The following IQSEC3 variants were observed in gnomAD, a reference collection of about 807,000 sequenced individuals.
The protein encoded by IQSEC3 is IQ motif and SEC7 domain-containing protein 3.
IQSEC3 carries 50 observed loss-of-function variants against 105.4 expected under a neutral mutation model. The ratio of observed to expected loss-of-function variants is 0.47; its 90% CI spans 0.38 to 0.60. The LOEUF (loss-of-function observed/expected upper bound fraction) is 0.60, where lower values mean the gene tolerates loss of function less well. Among genes scored for constraint, IQSEC3 ranks in the 20% least tolerant of loss-of-function variants. IQSEC3 has a pLI of 0.00. For synonymous variants in IQSEC3, 708 were observed against 746.0 expected, an observed-to-expected ratio of 0.95 and a Z score of 0.83; for missense variants, 1,415 against 1,630.0, an observed-to-expected ratio of 0.87 and a Z score of 2.27.
At position 161,928 on chromosome 12, in the gene IQSEC3, G is replaced by A; in HGVS notation, c.2446G>A (p.Val816Met). The change falls in exon 8 of 14, where the codon GTG (valine) becomes ATG (methionine). Residue 816 changes from valine (V) to methionine (M), a missense_variant and splice_region_variant. Around this residue, in one of 6 missense-constraint regions of IQSEC3, gnomAD observed 213 missense variants for 306.2 expected, o/e 0.70. Coordinates refer to ENST00000538872, the MANE Select transcript of IQSEC3 (RefSeq NM_001170738.2). The part of the protein sequence containing the change: ...LEDFIRNLRG[V>M]DDGADIPREL... ...CCCTGCCCACTCCACGTTGTTAGGT[G>A]TGGACGATGGCGCTGACATCCCCAG... 2.5e-6 allele frequency: 4 copies of A among 1,604,510 alleles called. No homozygotes were observed. The highest frequency in any genetic ancestry group is 1.3e-5 in the African/African-American group (1 of 74,774).
intron 3 of IQSEC3, among the ~76,000 whole-genome samples, chr12:130,842 T>A (rs1865563874): frequency 1.3e-5 from 2 of 152,104 alleles, no homozygotes; most frequent in African/African-American, 2.4e-5. Flanking sequence ...AGCACCAGCT[T>A]CCCCAGTCTC....
At chr12:174,515 C>T in intron 13 of IQSEC3, 84 bp from the exon 14 acceptor site, 1 of 1,266,674 alleles carries the variant, frequency 7.9e-7, no homozygotes, top group Non-Finnish European at 1.1e-6. Context: ...GGAGGGAGGC[C>T]AGGGGAGGCA....
chr12:134,407 T>C (rs1477024291), intron 3 of IQSEC3, among the ~76,000 whole-genome samples: 2 of 152,226 alleles, frequency 1.3e-5, no homozygotes, highest in Admixed American at 1.3e-4. Context: ...TCTCCTAGGG[T>C]TATGTCAGCT....
At chr12:92,112 G>C (rs1864106607) in intron 1 of IQSEC3, among the ~76,000 whole-genome samples, 1 of 152,170 alleles carries the variant, frequency 6.6e-6, no homozygotes, top group South Asian at 2.1e-4. Flanking sequence ...CAGTCCAGCT[G>C]CCCCATCAGA....
chr12:157,176 A>G (rs782296944), intron 6 of IQSEC3, 29 bp downstream of exon 6: 14 of 1,514,164 alleles, frequency 9.2e-6, no homozygotes, highest in Admixed American at 2.2e-5. Flanking sequence ...TCCACTCCCC[A>G]ACAGACCCCA....
At position 150,892 on chromosome 12, in the gene IQSEC3, G is replaced by A. The variant is rs147279430; in HGVS notation, c.2154-6133G>A. The stretch of plus-strand genomic sequence containing the variant: ...CTGAGGATGATTCAGTAGAGGGGAG[G>A]CGTGGTAGCTATCTGAAAGAACACC... On this transcript the variant is annotated intron_variant, in intron 5 of 13. Transcript: ENST00000538872. Among the ~76,000 whole-genome samples, 1,026 of 152,228 alleles carry A rather than the reference G, an allele frequency of 6.7e-3. 7 individuals carry two copies. The highest frequency in any genetic ancestry group is 6.4e-3 in the Non-Finnish European group (435 of 67,984).
At chr12:97,486 C>T (rs1555074998) in intron 1 of IQSEC3, among the ~76,000 whole-genome samples, 1 of 152,066 alleles carries the variant, frequency 6.6e-6, no homozygotes, top group Non-Finnish European at 1.5e-5. Context: ...CTCATTTAAA[C>T]ATATAACCTT....
Position 163,632 on chromosome 12 carries a change from C to G in IQSEC3, c.2709+13C>G, listed in dbSNP as rs781856793. 7.2e-7 allele frequency: 1 copy of G among 1,379,556 alleles called. No individual in the cohort carries two copies. Among genetic ancestry groups the G allele is most frequent in the Non-Finnish European group, 1.0e-6 (1 of 967,866 alleles). 85.5% of individuals were successfully genotyped at this position (1,379,556 alleles called of 1,614,324 possible). Reference sequence around the variant, plus strand: ...TGACCTGCTGGTGGTGAGTGGCCTCCGCTCCGGGACTGGGCTGGGCTGGGG... The same window carrying G: ...TGACCTGCTGGTGGTGAGTGGCCTCGGCTCCGGGACTGGGCTGGGCTGGGG... On this transcript the variant is annotated intron_variant, in intron 9 of 13. Coordinates refer to ENST00000538872, the MANE Select transcript of IQSEC3 (RefSeq NM_001170738.2).
At chr12:77,212 G>C (rs1414216528) in intron 1 of IQSEC3, among the ~76,000 whole-genome samples, 2 of 152,274 alleles carry the variant, frequency 1.3e-5, no homozygotes, top group Admixed American at 1.3e-4. Context: ...GAACCCATCA[G>C]AGAAGGCCAA....
chr12:131,357 G>T (rs1173867264), intron 3 of IQSEC3, among the ~76,000 whole-genome samples: 1 of 152,172 alleles, frequency 6.6e-6, no homozygotes. Context: ...ACTCCCTGGG[G>T]CTGCCTACCC....
chr12:68,801 G>A (rs548975393), intron 1 of IQSEC3, among the ~76,000 whole-genome samples: 1 of 152,352 alleles, frequency 6.6e-6, no homozygotes, highest in Admixed American at 6.5e-5. Context: ...TAGAGAAGTT[G>A]GGTTAGGGCA....
chr12:155,546 G>C (rs1866656528), intron 5 of IQSEC3, among the ~76,000 whole-genome samples: 2 of 152,196 alleles, frequency 1.3e-5, no homozygotes, highest in Non-Finnish European at 2.9e-5. Context: ...GTGGGAGGCG[G>C]AGTCCATGGA....
chr12:85,871 G>T (rs1420188321), intron 1 of IQSEC3, among the ~76,000 whole-genome samples: 1 of 152,158 alleles, frequency 6.6e-6, no homozygotes, highest in East Asian at 1.9e-4. Flanking sequence ...CATGTGTTGT[G>T]CCTTTGTTTC....
intron 5 of IQSEC3, among the ~76,000 whole-genome samples, chr12:154,763 C>T (rs1376253291): frequency 1.3e-5 from 2 of 152,126 alleles, no homozygotes; most frequent in South Asian, 2.1e-4. Context: ...TCTGTCTTTC[C>T]GCCTTCCTCC....
chr12:165,763 C>T lies in IQSEC3; in HGVS notation c.2844C>T (p.Leu948=), dbSNP rs782297475. ...YSHGITLVTP[L]SGSEKKQVLH... ...ATGGCATCACACTGGTGACCCCGCT[C>T]TCGGGCTCCGAGAAGAAGCAGGTGC... Residue 948 remains leucine, a synonymous_variant, in exon 11 of 14, where the codon CTC becomes CTT. Transcript: ENST00000538872. 38 of 1,613,824 alleles carry T rather than the reference C, an allele frequency of 2.4e-5. No individual in the cohort carries two copies. In the East Asian group the frequency reaches 7.1e-4, roughly 30 times the overall value.
At chr12:80,557 AT>A (rs1436203549) in intron 1 of IQSEC3, among the ~76,000 whole-genome samples, 8 of 152,142 alleles carry the variant, frequency 5.3e-5, no homozygotes, top group Middle Eastern at 3.4e-3. Context: ...GTAAGTATAT[AT>A]TTTCCTGGCA....
In IQSEC3 at chr12:157,618, C is replaced by T. The variant is rs782470717; in HGVS notation, c.2367C>T (p.Leu789=). ...IFILAFAIIL[L]NTDMYSPNIK... ...TCCTCGCCTTCGCCATCATCCTCCTCAACACCGACATGTACAGCCCCAACA... is the reference window on the plus strand; with the variant it reads ...TCCTCGCCTTCGCCATCATCCTCCTTAACACCGACATGTACAGCCCCAACA... The change falls in exon 7 of 14, where the codon CTC becomes CTT. Residue 789 remains leucine, a synonymous_variant. Transcript: ENST00000538872. The T allele has an allele frequency of 6.2e-7, 1 of 1,614,240 alleles. No individual in the cohort carries two copies. Among genetic ancestry groups the T allele is most frequent in the Non-Finnish European group, 8.5e-7 (1 of 1,180,044 alleles).
At chr12:107,587 T>G (rs1412395881) in intron 2 of IQSEC3, among the ~76,000 whole-genome samples, 2 of 151,816 alleles carry the variant, frequency 1.3e-5, no homozygotes, top group African/African-American at 4.8e-5. Flanking sequence ...TTTTTTTGTA[T>G]TTTTAGTAGA....
Position 161,917 on chromosome 12 carries a change from C to T in IQSEC3, c.2444-9C>T, listed in dbSNP as rs1444191144. ...CCCACCACCACCCCTGCCCACTCCA[C>T]GTTGTTAGGTGTGGACGATGGCGCT... is the stretch of plus-strand genomic sequence containing the variant. On this transcript the variant is annotated splice_polypyrimidine_tract_variant and intron_variant, in intron 7 of 13. Transcript: ENST00000538872. 1.4e-5 allele frequency: 23 copies of T among 1,591,876 alleles called. No individual in the cohort carries two copies. Among genetic ancestry groups the T allele is most frequent in the African/African-American group, 2.7e-5 (2 of 74,374 alleles).
Sources: allele counts gnomAD v4.1 joint callset (sites outside exome capture counted in the v4.1 genomes callset), GRCh38; gene constraint gnomAD v4.1.1; regional missense constraint gnomAD v4.1.1; transcripts MANE v1.5; gene names NCBI Gene and HGNC (gene_info 2026-07-23, HGNC 2026-07-21).